Variants in RBFOX1 observed in about 807,000 individuals in gnomAD.
RBFOX1 encodes the protein RNA binding protein fox-1 homolog 1.
In RBFOX1, 8 loss-of-function variants were observed where a neutral mutation model predicts 57.7. That is an observed-to-expected ratio of 0.14 (90% CI 0.08 to 0.25). The LOEUF (loss-of-function observed/expected upper bound fraction) is 0.25, where lower values mean the gene tolerates loss of function less well. Ranked by LOEUF, RBFOX1 falls within the 10% of genes least tolerant of loss-of-function variation. The pLI, the probability that RBFOX1 is intolerant of heterozygous loss-of-function variation, is 1.00. For missense variants in RBFOX1, 611 were observed against 548.5 expected, an observed-to-expected ratio of 1.11 and a Z score of -1.14; for synonymous variants, 326 against 222.4, an observed-to-expected ratio of 1.47 and a Z score of -4.15.
At chr16:7,024,208 C>G (rs1004573376) in intron 3 of RBFOX1, among the ~76,000 whole-genome samples, 2 of 152,020 alleles carry the variant, frequency 1.3e-5, no homozygotes, top group Non-Finnish European at 2.9e-5. Flanking sequence ...ACAAATTGCA[C>G]CTTAATTTAC....
chr16:7,398,628 C>T (rs2098182271), intron 4 of RBFOX1, among the ~76,000 whole-genome samples: 1 of 152,198 alleles, frequency 6.6e-6, no homozygotes, highest in Admixed American at 6.5e-5. Flanking sequence ...AGAAATTATT[C>T]TCTCAGGAGA....
At chr16:7,710,039 T>C in intron 15 of RBFOX1, 4 of 1,003,622 alleles carry the variant, frequency 4.0e-6, no homozygotes, top group Non-Finnish European at 3.6e-6. Flanking sequence ...GGCCGGACAG[T>C]TCACTGAAGC....
intron 3 of RBFOX1, among the ~76,000 whole-genome samples, chr16:6,982,916 C>T (rs545601400): frequency 2.7e-5 from 4 of 149,642 alleles, no homozygotes; most frequent in East Asian, 2.0e-4. Context: ...ACAACTTGAA[C>T]CCAGGAGGTG....
At chr16:6,818,081 T>A (rs764905817) in intron 3 of RBFOX1, among the ~76,000 whole-genome samples, 19 of 152,208 alleles carry the variant, frequency 1.2e-4, no homozygotes, top group Non-Finnish European at 2.6e-4. Context: ...GATGTCATGA[T>A]GTAATTGCAT....
intron 3 of RBFOX1, among the ~76,000 whole-genome samples, chr16:6,911,814 T>C (rs1282883796): frequency 6.6e-6 from 1 of 152,210 alleles, no homozygotes; most frequent in Non-Finnish European, 1.5e-5. Flanking sequence ...TCTTTTTCAG[T>C]AAATGAATTT....
intron 7 of RBFOX1, among the ~76,000 whole-genome samples, chr16:7,593,607 C>A (rs369384389): frequency 6.6e-6 from 1 of 152,066 alleles, no homozygotes; most frequent in Non-Finnish European, 1.5e-5. Context: ...TTATTTTTCT[C>A]GATACAGTTC....
At chr16:7,691,423 G>GAACGGAAAGAA in intron 14 of RBFOX1, among the ~76,000 whole-genome samples, 1 of 151,216 alleles carries the variant, frequency 6.6e-6, no homozygotes, top group Non-Finnish European at 1.5e-5. Context: ...AGGAGAGAAA[G>GAACGGAAAGAA]AACGGAAAGA....
In RBFOX1 at chr16:6,989,463, A is replaced by G. The variant is rs555665877; in HGVS notation, c.-15-62594A>G. On this transcript the variant is annotated intron_variant, in intron 3 of 15. Coordinates refer to ENST00000550418, the MANE Select transcript of RBFOX1 (RefSeq NM_018723.4). ...TTTTCCCCACATATTGGTACCTGTA[A>G]GTTAATATCATCCTCTGTAATTATT... 2.3e-3 allele frequency among the ~76,000 whole-genome samples: 354 copies of G among 152,284 alleles called. 1 individual carries two copies. Among genetic ancestry groups the G allele is most frequent in the Non-Finnish European group, 3.0e-3 (203 of 68,036 alleles).
chr16:6,896,423 C>T (rs373295222), intron 3 of RBFOX1, among the ~76,000 whole-genome samples: 1 of 151,940 alleles, frequency 6.6e-6, no homozygotes, highest in Non-Finnish European at 1.5e-5. Context: ...CCCTACTTTC[C>T]CCTCTTTCAG....
At chr16:6,948,590 C>G (rs1212032675) in intron 3 of RBFOX1, among the ~76,000 whole-genome samples, 1 of 151,778 alleles carries the variant, frequency 6.6e-6, no homozygotes, top group African/African-American at 2.4e-5. Context: ...CCATGTTGGC[C>G]AGACTGGTCT....
At chr16:5,806,882 T>C (rs759223658) in intron 3 of RBFOX1, among the ~76,000 whole-genome samples, 21 of 152,164 alleles carry the variant, frequency 1.4e-4, no homozygotes, top group Admixed American at 7.9e-4. Flanking sequence ...TCCCAAATGC[T>C]CTTTCTAAAC....
chr16:7,238,731 T>A (rs1320543200), intron 4 of RBFOX1, among the ~76,000 whole-genome samples: 1 of 152,222 alleles, frequency 6.6e-6, no homozygotes, highest in Non-Finnish European at 1.5e-5. Context: ...GCAGATTATT[T>A]CATCACCCAG....
chr16:7,090,093 C>T (rs1186891597), intron 4 of RBFOX1, among the ~76,000 whole-genome samples: 1 of 152,008 alleles, frequency 6.6e-6, no homozygotes, highest in East Asian at 1.9e-4. Flanking sequence ...TAAAGATAGT[C>T]TAAATGTGGT....
intron 4 of RBFOX1, among the ~76,000 whole-genome samples, chr16:7,165,325 T>G (rs1393321332): frequency 6.6e-6 from 1 of 150,690 alleles, no homozygotes; most frequent in African/African-American, 2.4e-5. Context: ...GAATGGGCTG[T>G]GCCCACCCAG....
At chr16:5,964,444 C>T (rs185105922) in intron 4 of RBFOX1, among the ~76,000 whole-genome samples, 64 of 152,222 alleles carry the variant, frequency 4.2e-4, no homozygotes, top group Admixed American at 1.8e-3. Context: ...ATGTTTATTG[C>T]ACTTTATTCA....
At chr16:7,103,413 C>G (rs1311032551) in intron 4 of RBFOX1, among the ~76,000 whole-genome samples, 1 of 152,136 alleles carries the variant, frequency 6.6e-6, no homozygotes, top group African/African-American at 2.4e-5. Context: ...TACACAGAAC[C>G]TACATACTAG....
chr16:6,374,484 T>A (rs2090910825), intron 2 of RBFOX1, among the ~76,000 whole-genome samples: 1 of 152,220 alleles, frequency 6.6e-6, no homozygotes, highest in Non-Finnish European at 1.5e-5. Context: ...TTTTTGGCCA[T>A]ATATATGTTT....
intron 2 of RBFOX1, among the ~76,000 whole-genome samples, chr16:6,431,896 G>GCTTGCTTGCTTTCTTTCTTT (rs1491277692): frequency 4.8e-4 from 61 of 128,188 alleles, no homozygotes; most frequent in East Asian, 1.2e-3. Flanking sequence ...TTGCTTGCTT[G>GCTTGCTTGCTTTCTTTCTTT]CTTTCTTTCT....
chr16:7,098,043 A>C (rs1465763508), intron 4 of RBFOX1, among the ~76,000 whole-genome samples: 1 of 152,230 alleles, frequency 6.6e-6, no homozygotes, highest in Non-Finnish European at 1.5e-5. Context: ...GTATTCAAGT[A>C]AAGCCAGTGT....
Sources: allele counts gnomAD v4.1 joint callset (sites outside exome capture counted in the v4.1 genomes callset), GRCh38; gene constraint gnomAD v4.1.1; transcripts MANE v1.5; gene names NCBI Gene and HGNC (gene_info 2026-07-23, HGNC 2026-07-21).